DPP10: variants seen among roughly 807,000 people sequenced by gnomAD.
DPP10 encodes dipeptidyl peptidase like 10, also known as inactive dipeptidyl peptidase 10.
In DPP10, 33 loss-of-function variants were observed where a neutral mutation model predicts 120.9. That is an observed-to-expected ratio of 0.27 (90% CI 0.21 to 0.37). DPP10 has a LOEUF of 0.37. Ranked by LOEUF, DPP10 falls within the 10% of genes least tolerant of loss-of-function variation. The pLI is 1.00. For synonymous variants in DPP10, 337 were observed against 326.1 expected (o/e 1.03, Z -0.36); for missense variants, 816 against 942.8 (o/e 0.87, Z 1.76).
intron 3 of DPP10, among the ~76,000 whole-genome samples, chr2:115,420,710 C>G (rs558843410): frequency 6.6e-6 from 1 of 152,234 alleles, no homozygotes; most frequent in East Asian, 1.9e-4. Context: ...GAAGAGTAGC[C>G]TTGGCTCCTT....
intron 3 of DPP10, among the ~76,000 whole-genome samples, chr2:115,471,486 C>G (rs551874777): frequency 6.6e-6 from 1 of 152,314 alleles, no homozygotes; most frequent in East Asian, 1.9e-4. Context: ...CTGGTCTCTC[C>G]TTCCACCACC....
intron 3 of DPP10, among the ~76,000 whole-genome samples, chr2:115,416,539 T>G (rs1320202231): frequency 6.6e-6 from 1 of 152,092 alleles, no homozygotes; most frequent in Non-Finnish European, 1.5e-5. Context: ...ATCTATTCTG[T>G]AGGATTTATC....
intron 1 of DPP10, among the ~76,000 whole-genome samples, chr2:114,666,069 C>G (rs1270833483): frequency 1.3e-5 from 2 of 152,102 alleles, no homozygotes; most frequent in African/African-American, 4.8e-5. Flanking sequence ...CTTATATATA[C>G]TAGTTATTGG....
chr2:115,496,879 A>G (rs1016385025), intron 3 of DPP10, among the ~76,000 whole-genome samples: 4 of 152,028 alleles, frequency 2.6e-5, no homozygotes, highest in African/African-American at 9.7e-5. Flanking sequence ...TTTTTCAAGG[A>G]AAGTTTGGTG....
At chr2:115,535,252 C>T (rs1416885926) in intron 5 of DPP10, among the ~76,000 whole-genome samples, 30 of 148,916 alleles carry the variant, frequency 2.0e-4, no homozygotes, top group Non-Finnish European at 2.7e-4. Flanking sequence ...TTAGGTCTAA[C>T]GTTTAAGTCT....
intron 1 of DPP10, among the ~76,000 whole-genome samples, chr2:114,547,464 T>C (rs1380404571): frequency 1.3e-5 from 2 of 152,120 alleles, no homozygotes. Flanking sequence ...CTTTTTTTTT[T>C]TCCTTTTTCC....
chr2:115,448,861 C>G (rs2072858153), intron 3 of DPP10, among the ~76,000 whole-genome samples: 1 of 152,040 alleles, frequency 6.6e-6, no homozygotes, highest in Non-Finnish European at 1.5e-5. Flanking sequence ...TTCTTCATAG[C>G]ACATATCATT....
chr2:114,721,449 A>T (rs920000605), intron 1 of DPP10, among the ~76,000 whole-genome samples: 9 of 152,240 alleles, frequency 5.9e-5, no homozygotes, highest in African/African-American at 2.2e-4. Flanking sequence ...AAATTTGAAT[A>T]GACTTTTCTC....
intron 3 of DPP10, among the ~76,000 whole-genome samples, chr2:115,471,124 T>G (rs1313024218): frequency 6.6e-6 from 1 of 152,186 alleles, no homozygotes; most frequent in Non-Finnish European, 1.5e-5. Context: ...AATCCATAAT[T>G]TATTTTCATA....
intron 1 of DPP10, among the ~76,000 whole-genome samples, chr2:115,181,739 A>G (rs2054091411): frequency 6.6e-6 from 1 of 152,214 alleles, no homozygotes; most frequent in South Asian, 2.1e-4. Flanking sequence ...TCTTGTTTCC[A>G]TAAGAGAAAT....
chr2:114,685,856 A>G (rs80281464), intron 1 of DPP10, among the ~76,000 whole-genome samples: 5,015 of 152,064 alleles, frequency 0.033, 128 homozygotes, highest in Middle Eastern at 0.068. Flanking sequence ...CTTCTTGCTT[A>G]CACTGTTGGA....
At chr2:115,623,135 G>A (rs968467051) in intron 5 of DPP10, among the ~76,000 whole-genome samples, 1 of 152,072 alleles carries the variant, frequency 6.6e-6, no homozygotes, top group Admixed American at 6.6e-5. Flanking sequence ...GTGAGCCACC[G>A]TGCCCGGCTC....
chr2:114,917,148 A>C (rs1694867422), intron 1 of DPP10, among the ~76,000 whole-genome samples: 1 of 152,204 alleles, frequency 6.6e-6, no homozygotes, highest in Non-Finnish European at 1.5e-5. Context: ...AATACATGCA[A>C]ATCAGGAGCA....
intron 4 of DPP10, among the ~76,000 whole-genome samples, chr2:115,520,682 A>C (rs920134542): frequency 2.6e-5 from 4 of 152,166 alleles, no homozygotes; most frequent in African/African-American, 9.7e-5. Context: ...TTGTAACTGC[A>C]TCTCTCATTC....
intron 1 of DPP10, among the ~76,000 whole-genome samples, chr2:114,595,232 G>A (rs1180680518): frequency 6.6e-6 from 1 of 151,920 alleles, no homozygotes; most frequent in Non-Finnish European, 1.5e-5. Context: ...CACATATTGA[G>A]AAACAAGGGA....
chr2:114,474,666 G>A lies in DPP10; in HGVS notation c.60+31828G>A, dbSNP rs966187159. On this transcript the variant is annotated intron_variant, in intron 1 of 25. Transcript: ENST00000410059. ...AGAATATACCCTGCTGTGAAGGGAAGAAGGTCATCCTAAGGTGGGAAAAAC... is the reference window on the plus strand; with the variant it reads ...AGAATATACCCTGCTGTGAAGGGAAAAAGGTCATCCTAAGGTGGGAAAAAC... Among the ~76,000 whole-genome samples the A allele has an allele frequency of 3.9e-5, 6 of 152,318 alleles. No individual in the cohort carries two copies. In the South Asian group the frequency reaches 1.2e-3, roughly 32 times the overall value.
intron 3 of DPP10, among the ~76,000 whole-genome samples, chr2:115,370,699 T>C (rs1435223443): frequency 6.6e-6 from 1 of 152,140 alleles, no homozygotes; most frequent in Non-Finnish European, 1.5e-5. Flanking sequence ...TCTGGGAACA[T>C]TATGTACAGA....
At chr2:114,961,633 A>C (rs890708591) in intron 1 of DPP10, among the ~76,000 whole-genome samples, 2 of 152,182 alleles carry the variant, frequency 1.3e-5, no homozygotes, top group Admixed American at 1.3e-4. Flanking sequence ...AAATCTGAGA[A>C]ATAACTAAGG....
At chr2:114,735,226 A>C (rs1015004676) in intron 1 of DPP10, among the ~76,000 whole-genome samples, 1 of 152,196 alleles carries the variant, frequency 6.6e-6, no homozygotes, top group Non-Finnish European at 1.5e-5. Flanking sequence ...CAAAAGCAAT[A>C]GCAACAGTGA....
Sources: allele counts gnomAD v4.1 joint callset (sites outside exome capture counted in the v4.1 genomes callset), GRCh38; gene constraint gnomAD v4.1.1; transcripts MANE v1.5; gene names NCBI Gene and HGNC (gene_info 2026-07-23, HGNC 2026-07-21).